VDAC1: variants seen among roughly 807,000 people sequenced by gnomAD.
VDAC1 encodes non-selective voltage-gated ion channel VDAC1.
Under a neutral mutation model 34.7 loss-of-function variants are expected in VDAC1, and 10 were observed. That is an observed-to-expected ratio of 0.29 (90% CI 0.18 to 0.49). The LOEUF (loss-of-function observed/expected upper bound fraction) is 0.49. Ranked by LOEUF, VDAC1 falls within the 20% of genes least tolerant of loss-of-function variation. VDAC1 has a pLI of 0.99. For synonymous variants in VDAC1, 130 were observed against 136.0 expected (o/e 0.96, Z 0.30); for missense variants, 230 against 347.9 (o/e 0.66, Z 2.69).
the VDAC1 span, among the ~76,000 whole-genome samples, chr5:134,045,662 C>A: frequency 6.6e-6 from 1 of 152,026 alleles, no homozygotes; most frequent in African/African-American, 2.4e-5. Context: ...AGGATGGTAT[C>A]CCCATCCCAA....
the VDAC1 span, among the ~76,000 whole-genome samples, chr5:134,064,956 G>A: frequency 1.1e-3 from 174 of 152,118 alleles, no homozygotes; most frequent in African/African-American, 4.1e-3. Context: ...GTGAGCTCAA[G>A]CAATCTGCCT....
the VDAC1 span, among the ~76,000 whole-genome samples, chr5:134,075,222 T>C: frequency 1.3e-5 from 2 of 152,194 alleles, no homozygotes; most frequent in Non-Finnish European, 2.9e-5. Flanking sequence ...ACACTTCTAT[T>C]TGCACTGTTT....
the VDAC1 span, among the ~76,000 whole-genome samples, chr5:134,047,015 G>C: frequency 6.6e-6 from 1 of 152,192 alleles, no homozygotes; most frequent in Non-Finnish European, 1.5e-5. Context: ...AATTCAGGTA[G>C]AAGTGGGAGA....
chr5:134,073,730 A>T, the VDAC1 span, among the ~76,000 whole-genome samples: 1 of 152,248 alleles, frequency 6.6e-6, no homozygotes, highest in African/African-American at 2.4e-5. Context: ...GTAGGTTTAT[A>T]TACATTGATG....
the VDAC1 span, among the ~76,000 whole-genome samples, chr5:134,057,335 C>T: frequency 6.6e-6 from 1 of 152,124 alleles, no homozygotes; most frequent in South Asian, 2.1e-4. Context: ...CAAAAATTAG[C>T]TGGCTGTGGT....
chr5:133,994,636 CAAGA>C (rs1265322673), intron 1 of VDAC1, among the ~76,000 whole-genome samples: 1 of 152,148 alleles, frequency 6.6e-6, no homozygotes, highest in Non-Finnish European at 1.5e-5. Context: ...ACCAGAACCT[CAAGA>C]AATACCCTTT....
chr5:134,067,904 G>A, the VDAC1 span, among the ~76,000 whole-genome samples: 1 of 152,112 alleles, frequency 6.6e-6, no homozygotes, highest in South Asian at 2.1e-4. Flanking sequence ...GATCACTTGA[G>A]GTCAGGAGTT....
At chr5:133,981,129 T>C in intron 5 of VDAC1, 173 bp from the exon 6 acceptor site, 1 of 600,534 alleles carries the variant, frequency 1.7e-6, no homozygotes, top group Non-Finnish European at 3.0e-6. Flanking sequence ...ACACAACCTC[T>C]CTTCCACAGG....
the VDAC1 span, among the ~76,000 whole-genome samples, chr5:134,104,377 C>A: frequency 6.6e-6 from 1 of 152,212 alleles, no homozygotes; most frequent in Non-Finnish European, 1.5e-5. Context: ...GGGTGAGAAT[C>A]CCGGAGGGAG....
the VDAC1 span, among the ~76,000 whole-genome samples, chr5:134,038,961 C>G: frequency 3.4e-3 from 511 of 152,096 alleles, 2 homozygotes; most frequent in African/African-American, 0.012. Flanking sequence ...GAAATGCCCA[C>G]AGATGCTAAT....
At chr5:134,066,510 C>A in the VDAC1 span, among the ~76,000 whole-genome samples, 1 of 152,132 alleles carries the variant, frequency 6.6e-6, no homozygotes, top group Non-Finnish European at 1.5e-5. Context: ...ATAATTTATA[C>A]CTGCTACATG....
At chr5:134,042,797 T>A in the VDAC1 span, among the ~76,000 whole-genome samples, 1 of 152,272 alleles carries the variant, frequency 6.6e-6, no homozygotes, top group Non-Finnish European at 1.5e-5. Flanking sequence ...TTTGGGTCTT[T>A]TAATGGGAGT....
chr5:133,974,554 G>C (rs2126892446), intron 7 of VDAC1, among the ~76,000 whole-genome samples: 1 of 152,306 alleles, frequency 6.6e-6, no homozygotes, highest in Non-Finnish European at 1.5e-5. Context: ...AATGGAAGAG[G>C]CTTAACAGTA....
At chr5:134,107,218 G>A in the VDAC1 span, among the ~76,000 whole-genome samples, 31 of 152,318 alleles carry the variant, frequency 2.0e-4, no homozygotes, top group South Asian at 5.8e-3. Context: ...GAAGTAGAAG[G>A]GACTGCTCAC....
At chr5:134,093,958 T>A in the VDAC1 span, among the ~76,000 whole-genome samples, 1 of 152,206 alleles carries the variant, frequency 6.6e-6, no homozygotes, top group Admixed American at 6.5e-5. Context: ...GCTGTGAGTC[T>A]CCTGTCTGCC....
At chr5:134,113,903 G>T in the VDAC1 span, among the ~76,000 whole-genome samples, 1 of 152,184 alleles carries the variant, frequency 6.6e-6, no homozygotes, top group East Asian at 1.9e-4. Context: ...GGAATCCCGC[G>T]CCCACGTGGC....
chr5:134,054,808 C>A, the VDAC1 span, among the ~76,000 whole-genome samples: 11 of 151,986 alleles, frequency 7.2e-5, no homozygotes, highest in East Asian at 3.9e-4. Flanking sequence ...GTTACTGGCC[C>A]TCCTCCTGAT....
At chr5:134,083,190 C>CTTTTT in the VDAC1 span, among the ~76,000 whole-genome samples, 1 of 125,536 alleles carries the variant, frequency 8.0e-6, no homozygotes, top group African/African-American at 3.1e-5. Context: ...CTTTTTTTTT[C>CTTTTT]TTTTTTTTTT....
At chr5:134,083,973 TG>T in the VDAC1 span, among the ~76,000 whole-genome samples, 3 of 152,234 alleles carry the variant, frequency 2.0e-5, no homozygotes, top group Middle Eastern at 3.2e-3. Context: ...CCTTATGAGC[TG>T]TGTGATCTCA....
Sources: gnomAD v4.1 joint callset for allele counts (sites outside exome capture counted in the v4.1 genomes callset) on GRCh38, gnomAD v4.1.1 for gene constraint, MANE v1.5 for transcripts, NCBI Gene and HGNC (gene_info 2026-07-23, HGNC 2026-07-21) for gene names.